Variants in FCHSD2 observed in about 807,000 individuals in gnomAD.
FCHSD2 encodes the protein FCH and double SH3 domains 2.
A neutral mutation model predicts 108.1 loss-of-function variants in FCHSD2; 38 were observed. That is an observed-to-expected ratio of 0.35 (90% confidence interval 0.27 to 0.46). The LOEUF is 0.46. Among genes scored for constraint, FCHSD2 ranks in the 20% least tolerant of loss-of-function variants. The pLI is 1.00. For synonymous variants in FCHSD2, 279 were observed against 314.7 expected (o/e 0.89, Z 1.20); for missense variants, 751 against 897.8 (o/e 0.84, Z 2.09).
chr11:72,959,478 G>A (rs1856782510), intron 8 of FCHSD2, among the ~76,000 whole-genome samples: 1 of 151,030 alleles, frequency 6.6e-6, no homozygotes, highest in African/African-American at 2.4e-5. Context: ...CTCATGATCC[G>A]CCCGCCTCGG....
intron 2 of FCHSD2, among the ~76,000 whole-genome samples, chr11:73,110,535 TCTC>T (rs930357455): frequency 6.9e-4 from 105 of 152,246 alleles, no homozygotes; most frequent in African/African-American, 2.2e-3. Flanking sequence ...AGCTGTAATG[TCTC>T]CTTTTTCATC....
chr11:72,957,107 T>C (rs1408000103), intron 8 of FCHSD2, among the ~76,000 whole-genome samples: 4 of 151,380 alleles, frequency 2.6e-5, no homozygotes, highest in African/African-American at 2.4e-5. Context: ...TATGTATACA[T>C]GTGCCATGCT....
intron 12 of FCHSD2, among the ~76,000 whole-genome samples, chr11:72,875,435 T>G (rs1403239771): frequency 6.6e-6 from 1 of 152,206 alleles, no homozygotes; most frequent in South Asian, 2.1e-4. Flanking sequence ...CAATAATAGC[T>G]CACTGTAACC....
Position 73,003,999 on chromosome 11 carries a change from A to G in FCHSD2, c.243-2865T>C, listed in dbSNP as rs1485540769. The stretch of plus-strand genomic sequence containing the variant: ...GCTGGCACCTGTAACCCCACCAGCT[A>G]CTCAGGAGACTGAGGCAGGAGACTC... On this transcript the variant is annotated intron_variant, in intron 4 of 19. Transcript: ENST00000409418. Among the ~76,000 whole-genome samples, 3 of 148,200 alleles carry G rather than the reference A, an allele frequency of 2.0e-5. No individual in the cohort carries two copies. In the East Asian group the frequency reaches 6.3e-4, roughly 31 times the overall value.
intron 3 of FCHSD2, among the ~76,000 whole-genome samples, chr11:73,038,691 T>A (rs904545453): frequency 6.6e-6 from 1 of 152,026 alleles, no homozygotes; most frequent in Admixed American, 6.6e-5. Flanking sequence ...CACTAGGGAA[T>A]CCAAGAGCAG....
In FCHSD2 at chr11:72,928,719, T is replaced by A. The variant is rs1856127175; in HGVS notation, c.706-6769A>T. Among the ~76,000 whole-genome samples the A allele has an allele frequency of 2.0e-5, 3 of 152,256 alleles. No homozygotes were observed. In the South Asian group the frequency reaches 6.2e-4, roughly 32 times the overall value. ...CAAGTGATCAGAAGCCACTTTCTTT[T>A]TTTTATTTTATTATTATTATACTTT... is the stretch of plus-strand genomic sequence containing the variant. On this transcript the variant is annotated intron_variant, in intron 8 of 19. Coordinates refer to ENST00000409418, the MANE Select transcript of FCHSD2 (RefSeq NM_014824.3).
chr11:73,141,108 G>A (rs953335883), intron 1 of FCHSD2: 12 of 152,410 alleles, frequency 7.9e-5, no homozygotes, highest in African/African-American at 2.4e-4. Flanking sequence ...CACAGCCTCG[G>A]CCCCTGGGAA....
chr11:72,961,157 T>A (rs2135372562), intron 8 of FCHSD2, among the ~76,000 whole-genome samples: 1 of 152,108 alleles, frequency 6.6e-6, no homozygotes, highest in East Asian at 1.9e-4. Context: ...GCCCTCCCAA[T>A]TCTTAGCTGC....
chr11:72,965,772 A>G (rs1190934297), intron 8 of FCHSD2, among the ~76,000 whole-genome samples: 1 of 152,206 alleles, frequency 6.6e-6, no homozygotes, highest in Non-Finnish European at 1.5e-5. Context: ...TTAGTTTTGC[A>G]TGTTCTTAAG....
intron 14 of FCHSD2, 55 bp from the exon 15 acceptor site, chr11:72,843,587 G>T: frequency 8.2e-7 from 1 of 1,218,728 alleles, no homozygotes; most frequent in Non-Finnish European, 1.2e-6. Context: ...AGGAGCAGAT[G>T]TGAGCTGATC....
chr11:72,948,698 C>T (rs1856566271), intron 8 of FCHSD2, among the ~76,000 whole-genome samples: 1 of 150,300 alleles, frequency 6.7e-6, no homozygotes, highest in African/African-American at 2.5e-5. Flanking sequence ...GGCAGTCTCG[C>T]TCTGTCGCCC....
intron 12 of FCHSD2, among the ~76,000 whole-genome samples, chr11:72,872,881 C>T (rs1048952165): frequency 2.0e-5 from 3 of 152,256 alleles, no homozygotes; most frequent in South Asian, 2.1e-4. Flanking sequence ...TGTTTTTCAA[C>T]GTGGCTTTAT....
In FCHSD2 at chr11:73,006,019, C is replaced by T. The variant is rs180977770; in HGVS notation, c.243-4885G>A. 9.6e-4 allele frequency among the ~76,000 whole-genome samples: 146 copies of T among 151,758 alleles called. 2 individuals are homozygous for T. The highest frequency in any genetic ancestry group is 3.3e-3 in the African/African-American group (137 of 41,386). ...AACCCCTGGACTCAAGTGGTCCTCC[C>T]GCCTCAGCCTCCCAAGTAACTGGGC... On this transcript the variant is annotated intron_variant, in intron 4 of 19. Transcript: ENST00000409418.
chr11:73,022,644 T>C (rs1471467397), intron 3 of FCHSD2, among the ~76,000 whole-genome samples: 2 of 152,218 alleles, frequency 1.3e-5, no homozygotes, highest in Non-Finnish European at 2.9e-5. Context: ...GGACTTCATA[T>C]TGTTAAGGTC....
chr11:73,138,198 A>G (rs1861166695), intron 2 of FCHSD2, among the ~76,000 whole-genome samples: 1 of 152,242 alleles, frequency 6.6e-6, no homozygotes, highest in Non-Finnish European at 1.5e-5. Flanking sequence ...CTTGGGCAAC[A>G]GAGGCCATTA....
rs191432676 is a variant in FCHSD2 at position 73,006,819 on chromosome 11, G to A, written c.243-5685C>T. Among the ~76,000 whole-genome samples, 26 of 152,300 alleles carry A rather than the reference G, an allele frequency of 1.7e-4. No individual in the cohort carries two copies. In the East Asian group the frequency reaches 2.9e-3, roughly 17 times the overall value. ...CTGTTTCATTCACTGTTGTATGTTC[G>A]GCACAGGGTATGGCATAGCAGGCAC... On this transcript the variant is annotated intron_variant, in intron 4 of 19. Coordinates refer to ENST00000409418, the MANE Select transcript of FCHSD2 (RefSeq NM_014824.3).
chr11:73,111,967 G>A (rs980957929), intron 2 of FCHSD2, among the ~76,000 whole-genome samples: 1 of 152,136 alleles, frequency 6.6e-6, no homozygotes, highest in African/African-American at 2.4e-5. Context: ...TTTAAAAGCT[G>A]TTGTAGTTAA....
chr11:72,991,182 T>C (rs1397161253), intron 5 of FCHSD2, among the ~76,000 whole-genome samples: 2 of 152,320 alleles, frequency 1.3e-5, no homozygotes, highest in East Asian at 1.9e-4. Flanking sequence ...AATCTCTGAA[T>C]AGACCAATAA....
intron 3 of FCHSD2, among the ~76,000 whole-genome samples, chr11:73,051,930 ACAT>A (rs2135477031): frequency 6.6e-6 from 1 of 151,266 alleles, no homozygotes; most frequent in Non-Finnish European, 1.5e-5. Flanking sequence ...ACACACACTG[ACAT>A]CAGGGAAAAA....
Sources: allele counts gnomAD v4.1 joint callset (sites outside exome capture counted in the v4.1 genomes callset), GRCh38; gene constraint gnomAD v4.1.1; transcripts MANE v1.5; gene names NCBI Gene and HGNC (gene_info 2026-07-23, HGNC 2026-07-21).